ATP2A3: variants seen among roughly 807,000 people sequenced by gnomAD.
ATP2A3 encodes ATPase sarcoplasmic/endoplasmic reticulum Ca2+ transporting 3.
A neutral mutation model predicts 106.8 loss-of-function variants in ATP2A3; 61 were observed. The observed-to-expected ratio is 0.57, with a 90% CI of 0.46 to 0.71. The LOEUF (loss-of-function observed/expected upper bound fraction) is 0.71. Among genes scored for constraint, ATP2A3 ranks in the 30% least tolerant of loss-of-function variants. The probability of loss-of-function intolerance (pLI) is 0.00; values close to 1 mark genes in which losing one functional copy is unlikely to be tolerated. For synonymous variants in ATP2A3, 611 were observed against 609.3 expected (o/e 1.00, Z -0.04); for missense variants, 1,201 against 1,423.5 (o/e 0.84, Z 2.52).
At position 3,942,735 on chromosome 17, in the gene ATP2A3, CG is replaced by C. The variant is rs746940448; in HGVS notation, c.1420-5del. 2.2e-5 allele frequency: 36 copies of C among 1,612,296 alleles called. No individual in the cohort carries two copies. Among genetic ancestry groups the C allele is most frequent in the Non-Finnish European group, 2.9e-5 (34 of 1,179,708 alleles). Reference sequence around the variant, plus strand: ...TCCGCATCAGCTGCTTGATGACCTGCGGGGTCCAGGCAGGTCAGGGCATGAA... The same window carrying C: ...TCCGCATCAGCTGCTTGATGACCTGCGGGTCCAGGCAGGTCAGGGCATGAA... On this transcript the variant is annotated splice_region_variant and splice_polypyrimidine_tract_variant and intron_variant, in intron 11 of 20. Transcript: ENST00000397041.
At chr17:3,946,746 G>C (rs1475252546) in intron 8 of ATP2A3, among the ~76,000 whole-genome samples, 1 of 152,214 alleles carries the variant, frequency 6.6e-6, no homozygotes, top group Non-Finnish European at 1.5e-5. Context: ...TGTGGAAGCA[G>C]GGGTGACAGA....
chr17:3,928,867 T>G lies in ATP2A3; in HGVS notation c.2863-87A>C, dbSNP rs1340331943. On this transcript the variant is annotated intron_variant, in intron 19 of 20. Transcript: ENST00000397041. The surrounding 1 kb of genome is among the most constrained non-coding windows in gnomAD (Gnocchi z 6.1). Reference sequence around the variant, plus strand: ...ATCTGCTGGCCTTATCCACCTGGGCTCTGATGGACTCTTCATGAGCGCTCC... The same window carrying G: ...ATCTGCTGGCCTTATCCACCTGGGCGCTGATGGACTCTTCATGAGCGCTCC... 2.9e-6 allele frequency: 3 copies of G among 1,019,526 alleles called. No individual in the cohort carries two copies. The highest frequency in any genetic ancestry group is 1.5e-6 in the Non-Finnish European group (1 of 677,096). 63.2% of individuals were successfully genotyped at this position (1,019,526 alleles called of 1,614,324 possible).
chr17:3,955,014 GA>G lies in ATP2A3; in HGVS notation c.119-1305del, dbSNP rs2054689990. ...AGTGAGTGGGTCTGTGTGGGGATGA[GA>G]GGGGCGGGAGCCAGGCTCTGCAGGG... On this transcript the variant is annotated intron_variant, in intron 1 of 20. Coordinates refer to ENST00000397041, the MANE Select transcript of ATP2A3 (RefSeq NM_005173.4). This position sits in a 1 kb window ranked among gnomAD's most constrained non-coding sequence, Gnocchi z 4.2. 6.6e-6 allele frequency among the ~76,000 whole-genome samples: 1 copy of G among 152,206 alleles called. No homozygotes were observed. The highest frequency in any genetic ancestry group is 2.1e-4 in the South Asian group (1 of 4,830).
At chr17:3,931,054 C>G (rs2053051064) in intron 17 of ATP2A3, among the ~76,000 whole-genome samples, 1 of 151,846 alleles carries the variant, frequency 6.6e-6, no homozygotes, top group African/African-American at 2.4e-5. Context: ...GCAGGACAAT[C>G]ACTTGAACCC....
rs978375159 is a variant in ATP2A3 at position 3,925,094 on chromosome 17, G to T, written c.*328C>A. ...GCACTCGTGATTTGGGGGTGGGGGG[G>T]CCCCGGATCTCTGGGTATGCTGCCA... On this transcript the variant is annotated 3_prime_UTR_variant, in exon 21 of 21. Transcript: ENST00000397041. The surrounding 1 kb of genome is among the most constrained non-coding windows in gnomAD (Gnocchi z 4.2). The T allele has an allele frequency of 3.8e-6, 2 of 530,740 alleles. No homozygotes were observed. The highest frequency in any genetic ancestry group is 3.3e-5 in the East Asian group (1 of 30,144). The allele number at this position is 530,740 out of a possible 1,614,324, so 32.9% of individuals were successfully genotyped here. A position where few individuals can be genotyped will look rare whatever the true frequency, so the allele number is the denominator to read the frequency against.
chr17:3,951,393 C>T lies in ATP2A3; in HGVS notation c.325-4G>A. ...TGGCACTCTCGGCGTTGCGTTCCTG[C>T]AGAATAGAAGGCCGGCAGGCAGTCT... On this transcript the variant is annotated splice_polypyrimidine_tract_variant and splice_region_variant and intron_variant, in intron 4 of 20. Coordinates refer to ENST00000397041, the MANE Select transcript of ATP2A3 (RefSeq NM_005173.4). 1 of 1,613,688 alleles carries T rather than the reference C, an allele frequency of 6.2e-7. No individual in the cohort carries two copies. The highest frequency in any genetic ancestry group is 8.5e-7 in the Non-Finnish European group (1 of 1,180,002).
At position 3,926,838 on chromosome 17, in the gene ATP2A3, G is replaced by T. The variant is rs2052734826; in HGVS notation, c.2981-1397C>A. On this transcript the variant is annotated intron_variant, in intron 20 of 20. Coordinates refer to ENST00000397041, the MANE Select transcript of ATP2A3 (RefSeq NM_005173.4). The surrounding 1 kb of genome is among the most constrained non-coding windows in gnomAD (Gnocchi z 4.6). ...CCCACCTCGGCCTCCCAAAGTGCTG[G>T]GATGACAGGTGTGAGCCACTGCACC... The T allele has an allele frequency of 1.0e-6, 1 of 984,822 alleles. No individual in the cohort carries two copies. Among genetic ancestry groups the T allele is most frequent in the East Asian group, 1.1e-4 (1 of 8,816 alleles). The allele number at this position is 984,822 out of a possible 1,614,324, so 61.0% of individuals were successfully genotyped here.
rs751341550 is a variant in ATP2A3 at position 3,941,619 on chromosome 17, T to C, written c.1581A>G (p.Ser527=). 1.9e-6 allele frequency: 3 copies of C among 1,610,926 alleles called. No individual in the cohort carries two copies. Among genetic ancestry groups the C allele is most frequent in the Non-Finnish European group, 2.5e-6 (3 of 1,179,996 alleles). Residue 527 remains serine (S), a synonymous_variant, in exon 13 of 21, where the codon TCA becomes TCG. Coordinates refer to ENST00000397041, the MANE Select transcript of ATP2A3 (RefSeq NM_005173.4). The part of the protein sequence containing the change: ...APESVIERCS[S]VRVGSRTAPL... Reference sequence around the variant, plus strand: ...GTGCTGTGCGGCTCCCCACGCGGACTGAGCTACAGCGCTCGATCACACTCT... The same window carrying C: ...GTGCTGTGCGGCTCCCCACGCGGACCGAGCTACAGCGCTCGATCACACTCT...
At chr17:3,954,398 C>A (rs1386324606) in intron 1 of ATP2A3, among the ~76,000 whole-genome samples, 8 of 148,438 alleles carry the variant, frequency 5.4e-5, no homozygotes, top group East Asian at 4.0e-4. Flanking sequence ...TCAGTGAAGA[C>A]CCCCCAGCCC....
At chr17:3,934,830 C>G (rs140202127) in intron 17 of ATP2A3, 1 of 270,028 alleles carries the variant, frequency 3.7e-6, no homozygotes, top group Non-Finnish European at 7.4e-6. Context: ...GCCCTCCCCT[C>G]CATTCTTGAT....
chr17:3,955,461 T>C lies in ATP2A3; in HGVS notation c.119-1751A>G, dbSNP rs2144707200. Among the ~76,000 whole-genome samples, 1 of 152,362 alleles carries C rather than the reference T, an allele frequency of 6.6e-6. No individual in the cohort carries two copies. Among genetic ancestry groups the C allele is most frequent in the East Asian group, 1.9e-4 (1 of 5,188 alleles). ...CCTATTTTCGGCAGTGGCTGACATT[T>C]TCCGTGGAAAATGTAATCTCCAGTG... is the stretch of plus-strand genomic sequence containing the variant. On this transcript the variant is annotated intron_variant, in intron 1 of 20. Transcript: ENST00000397041. This position sits in a 1 kb window ranked among gnomAD's most constrained non-coding sequence, Gnocchi z 4.2.
chr17:3,945,261 C>G (rs1389275198), intron 8 of ATP2A3, 113 bp from the exon 9 acceptor site: 1 of 972,714 alleles, frequency 1.0e-6, no homozygotes, highest in African/African-American at 1.7e-5. Flanking sequence ...GAGGGCCAAA[C>G]CGGCCTGGCC....
Position 3,945,082 on chromosome 17 carries a change from T to C in ATP2A3, c.1162A>G (p.Thr388Ala). 6.5e-7 allele frequency: 1 copy of C among 1,546,778 alleles called. No individual in the cohort carries two copies. Among genetic ancestry groups the C allele is most frequent in the Non-Finnish European group, 8.7e-7 (1 of 1,145,188 alleles). Residue 388 changes from threonine to alanine, a missense_variant, in exon 9 of 21, where the codon ACG becomes GCG. Around this residue, in one of 2 missense-constraint regions of ATP2A3, gnomAD observed 935 missense variants for 1,176.7 expected, o/e 0.79. Transcript: ENST00000397041. ...CACACTTCGCCCTCGGGGGTATACGTGGTACCCGAGATGGTGAACTCGTGC... is the reference window on the plus strand; with the variant it reads ...CACACTTCGCCCTCGGGGGTATACGCGGTACCCGAGATGGTGAACTCGTGC... ...LLHEFTISGTTYTPEGEVRQG... is the reference protein window; with the variant it reads ...LLHEFTISGTAYTPEGEVRQG...
chr17:3,931,303 CTG>C (rs2053068009), intron 17 of ATP2A3, among the ~76,000 whole-genome samples: 1 of 152,072 alleles, frequency 6.6e-6, no homozygotes, highest in African/African-American at 2.4e-5. Context: ...GCGCTCAGGG[CTG>C]ATAACCCCTA....
intron 14 of ATP2A3, 63 bp from the exon 15 acceptor site, chr17:3,937,699 T>G: frequency 6.6e-7 from 1 of 1,521,898 alleles, no homozygotes; most frequent in Non-Finnish European, 9.0e-7. Context: ...CCATCTCTTC[T>G]CAACTCAGCC....
In ATP2A3 at chr17:3,937,593, T is replaced by C; in HGVS notation, c.2144A>G (p.Glu715Gly). 1 of 1,614,098 alleles carries C rather than the reference T, an allele frequency of 6.2e-7. No individual in the cohort carries two copies. The highest frequency in any genetic ancestry group is 8.5e-7 in the Non-Finnish European group (1 of 1,180,022). Residue 715 changes from glutamate (E) to glycine (G), a missense_variant, in exon 15 of 21, where the codon GAG (glutamate) becomes GGG (glycine). Physicochemically the swap from Glu to Gly is moderately conservative, Grantham distance 98 (BLOSUM62 -2). Transcript: ENST00000397041. Reference sequence around the variant, plus strand: ...GCCTGAGCCCATGGCGATGCCGATCTCTGCTTTCTTCAGGGCTGGTGCGTC... The same window carrying C: ...GCCTGAGCCCATGGCGATGCCGATCCCTGCTTTCTTCAGGGCTGGTGCGTC... ...VNDAPALKKA[E>G]IGIAMGSGTA...
intron 3 of ATP2A3, among the ~76,000 whole-genome samples, chr17:3,952,999 C>T (rs757366709): frequency 6.4e-4 from 97 of 152,254 alleles, no homozygotes; most frequent in Non-Finnish European, 1.1e-3. Flanking sequence ...CCCACCCCCA[C>T]CCCGACAAAG....
Position 3,955,693 on chromosome 17 carries a change from G to T in ATP2A3, c.119-1983C>A, listed in dbSNP as rs1165062782. 6.6e-6 allele frequency among the ~76,000 whole-genome samples: 1 copy of T among 152,096 alleles called. No individual in the cohort carries two copies. Among genetic ancestry groups the T allele is most frequent in the Non-Finnish European group, 1.5e-5 (1 of 68,034 alleles). On this transcript the variant is annotated intron_variant, in intron 1 of 20. Coordinates refer to ENST00000397041, the MANE Select transcript of ATP2A3 (RefSeq NM_005173.4). The surrounding 1 kb of genome is among the most constrained non-coding windows in gnomAD (Gnocchi z 4.2). The stretch of plus-strand genomic sequence containing the variant: ...GTGCGCATGGGTGGGCTTGTGCTGG[G>T]CTCTTCCCGGGGGATGCCTGTAACC...
chr17:3,950,750 G>C lies in ATP2A3; in HGVS notation c.487C>G (p.Leu163Val). The C allele has an allele frequency of 1.2e-6, 2 of 1,613,650 alleles. No homozygotes were observed. The highest frequency in any genetic ancestry group is 1.7e-6 in the Non-Finnish European group (2 of 1,179,998). Residue 163 changes from leucine to valine, a missense_variant, in exon 6 of 21, where the codon CTC becomes GTC. Physicochemically the swap from Leu to Val is conservative, Grantham distance 32. Coordinates refer to ENST00000397041, the MANE Select transcript of ATP2A3 (RefSeq NM_005173.4). ...GTGGACTTGATCTCGATGAGGCGGA[G>C]GTCAGCAGGCACTTTGTCCCCCACT... is the stretch of plus-strand genomic sequence containing the variant. ...VAVGDKVPAD[L>V]RLIEIKSTTL...
Sources: allele counts gnomAD v4.1 joint callset (sites outside exome capture counted in the v4.1 genomes callset), GRCh38; gene constraint gnomAD v4.1.1; regional missense constraint gnomAD v4.1.1; non-coding constraint Gnocchi (gnomAD v3.1); transcripts MANE v1.5; gene names NCBI Gene and HGNC (gene_info 2026-07-23, HGNC 2026-07-21).